ZNF536: variants seen among roughly 807,000 people sequenced by gnomAD.
ZNF536 encodes the protein zinc finger protein 536.
In ZNF536, 13 loss-of-function variants were observed where a neutral mutation model predicts 84.5. The observed-to-expected ratio is 0.15, with a 90% CI of 0.10 to 0.24. The LOEUF (loss-of-function observed/expected upper bound fraction) is 0.24, where lower values mean the gene tolerates loss of function less well. Ranked by LOEUF, ZNF536 falls within the 10% of genes least tolerant of loss-of-function variation. The pLI, the probability that ZNF536 is intolerant of heterozygous loss-of-function variation, is 1.00. For synonymous variants in ZNF536, 811 were observed against 742.5 expected (o/e 1.09, Z -1.50); for missense variants, 1,536 against 1,747.5 (o/e 0.88, Z 2.16).
At chr19:30,449,679 A>C (rs2052509352) in intron 2 of ZNF536, among the ~76,000 whole-genome samples, 1 of 152,214 alleles carries the variant, frequency 6.6e-6, no homozygotes, top group Admixed American at 6.5e-5. Flanking sequence ...GGATCAATGG[A>C]AAGCCAGGGA....
intron 1 of ZNF536, among the ~76,000 whole-genome samples, chr19:30,622,655 A>T (rs1055282271): frequency 6.6e-6 from 1 of 152,130 alleles, no homozygotes; most frequent in African/African-American, 2.4e-5. Context: ...GATGCTTTTT[A>T]TATATGTTGT....
chr19:30,306,190 ATT>A (rs201822113), intron 2 of ZNF536, among the ~76,000 whole-genome samples: 1,454 of 132,830 alleles, frequency 0.011, 6 homozygotes, highest in South Asian at 0.036. Context: ...CCTGGAGAGA[ATT>A]TTTTTTTTTT....
rs60489961 is a variant in ZNF536, at chr19:30,580,615, C to G, written c.169+31101C>G. Among the ~76,000 whole-genome samples, 90 of 152,314 alleles carry G rather than the reference C, an allele frequency of 5.9e-4. 1 individual carries two copies. In the East Asian group the frequency reaches 0.017, roughly 28 times the overall value. On this transcript the variant is annotated intron_variant, in intron 1 of 1. Coordinates refer to the ZNF536 transcript ENST00000592773. Reference sequence around the variant, plus strand: ...CCCTCTTCCAAAGGAGGCTGAGGAGCTGCTGTGTCTCAGCCAATGGATGCT... The same window carrying G: ...CCCTCTTCCAAAGGAGGCTGAGGAGGTGCTGTGTCTCAGCCAATGGATGCT...
intron 2 of ZNF536, among the ~76,000 whole-genome samples, chr19:30,291,542 T>C (rs2045841145): frequency 6.6e-6 from 1 of 152,266 alleles, no homozygotes; most frequent in South Asian, 2.1e-4. Context: ...TTTGTTTGTT[T>C]TTTTCTTGTA....
chr19:30,570,328 A>G (rs958402955), intron 1 of ZNF536, among the ~76,000 whole-genome samples: 1 of 152,202 alleles, frequency 6.6e-6, no homozygotes, highest in Non-Finnish European at 1.5e-5. Flanking sequence ...GAAGGCAGGA[A>G]CTTCAAGTGG....
intron 2 of ZNF536, among the ~76,000 whole-genome samples, chr19:30,528,008 G>A (rs981247398): frequency 1.3e-5 from 2 of 152,094 alleles, no homozygotes; most frequent in Admixed American, 6.5e-5. Flanking sequence ...ATTTTGAGAC[G>A]TTCTTTGCAC....
At chr19:30,412,295 A>G (rs1276292774) in intron 1 of ZNF536, among the ~76,000 whole-genome samples, 1 of 151,912 alleles carries the variant, frequency 6.6e-6, no homozygotes, top group Non-Finnish European at 1.5e-5. Flanking sequence ...TCTTGTTGCT[A>G]GCTTTAACAG....
chr19:30,504,954 A>G (rs1568494020), intron 2 of ZNF536, among the ~76,000 whole-genome samples: 1 of 149,336 alleles, frequency 6.7e-6, no homozygotes, highest in South Asian at 2.1e-4. Context: ...ACTAGTAATC[A>G]AAGAAAAAAT....
At chr19:30,536,014 G>C (rs1172793270) in intron 3 of ZNF536, among the ~76,000 whole-genome samples, 4 of 152,136 alleles carry the variant, frequency 2.6e-5, no homozygotes, top group Non-Finnish European at 5.9e-5. Context: ...CCTGAGGACA[G>C]ATGGGCACAG....
rs1478412456 is a variant in ZNF536, at chr19:30,549,054, C to T, written c.3435C>T (p.Val1145=). 7 of 1,614,182 alleles carry T rather than the reference C, an allele frequency of 4.3e-6. No individual in the cohort carries two copies. Among genetic ancestry groups the T allele is most frequent in the Non-Finnish European group, 5.9e-6 (7 of 1,180,040 alleles). The change falls in exon 4 of 5, where the codon GTC becomes GTT. Residue 1145 remains valine, a synonymous_variant. Coordinates refer to ENST00000355537, the MANE Select transcript of ZNF536 (RefSeq NM_014717.3). The part of the protein sequence containing the change: ...PDGKAHSEED[V]PILIPETTSK... ...GAAAGGCCCACTCTGAAGAGGATGT[C>T]CCCATCCTGATCCCCGAAACCACGA...
At chr19:30,646,464 G>A (rs1408566854) in intron 1 of ZNF536, among the ~76,000 whole-genome samples, 2 of 152,222 alleles carry the variant, frequency 1.3e-5, no homozygotes, top group African/African-American at 4.8e-5. Context: ...GCTCATGAAT[G>A]TCCCTATGTA....
At chr19:30,358,973 A>G (rs140131263) in intron 3 of ZNF536, among the ~76,000 whole-genome samples, 9 of 152,272 alleles carry the variant, frequency 5.9e-5, no homozygotes, top group Middle Eastern at 3.4e-3. Flanking sequence ...GCAATTGGCA[A>G]ATGCATGGAG....
At position 30,445,802 on chromosome 19, in the gene ZNF536, C is replaced by T. The variant is rs1233862808; in HGVS notation, c.2170+70C>T. 1 of 1,499,916 alleles carries T rather than the reference C, an allele frequency of 6.7e-7. No individual in the cohort carries two copies. The highest frequency in any genetic ancestry group is 1.4e-5 in the South Asian group (1 of 73,446). 92.9% of individuals were successfully genotyped at this position (1,499,916 alleles called of 1,614,324 possible). A position where few individuals can be genotyped will look rare whatever the true frequency, so the allele number is the denominator to read the frequency against. Reference sequence around the variant, plus strand: ...CTGCTCAGGGCTGCCTGGTTCTGCTCCCAGGCCTCCAGTCAGTTCCAAGGC... The same window carrying T: ...CTGCTCAGGGCTGCCTGGTTCTGCTTCCAGGCCTCCAGTCAGTTCCAAGGC... On this transcript the variant is annotated intron_variant, in intron 2 of 4. Coordinates refer to ENST00000355537, the MANE Select transcript of ZNF536 (RefSeq NM_014717.3). This position sits in a 1 kb window ranked among gnomAD's most constrained non-coding sequence, Gnocchi z 4.5.
intron 1 of ZNF536, among the ~76,000 whole-genome samples, chr19:30,705,703 C>T (rs2052198506): frequency 6.6e-6 from 1 of 152,168 alleles, no homozygotes; most frequent in Non-Finnish European, 1.5e-5. Context: ...AAAGCTTCTA[C>T]TTACTAGATA....
At chr19:30,689,237 G>A (rs1435205798) in intron 1 of ZNF536, among the ~76,000 whole-genome samples, 1 of 152,210 alleles carries the variant, frequency 6.6e-6, no homozygotes, top group Non-Finnish European at 1.5e-5. Flanking sequence ...GAACCTGTCT[G>A]CCTGCATCTG....
chr19:30,505,029 G>C (rs979352470), intron 2 of ZNF536, among the ~76,000 whole-genome samples: 1 of 152,164 alleles, frequency 6.6e-6, no homozygotes, highest in African/African-American at 2.4e-5. Flanking sequence ...TTATGAGATT[G>C]ATAACAATGA....
chr19:30,433,838 A>G (rs2051591163), intron 1 of ZNF536, among the ~76,000 whole-genome samples: 1 of 152,172 alleles, frequency 6.6e-6, no homozygotes, highest in Non-Finnish European at 1.5e-5. Flanking sequence ...TGCCTTGGTC[A>G]TATCCTTCCC....
In ZNF536 at chr19:30,331,292, TAAAAAAA is replaced by T. The variant is rs11324495; in HGVS notation, c.-119-21053_-119-21047del. 5.3e-4 allele frequency among the ~76,000 whole-genome samples: 22 copies of T among 41,740 alleles called. No homozygotes were observed. In the South Asian group the frequency reaches 0.025, roughly 47 times the overall value. The allele number at this position is 41,740 out of a possible 152,430, so 27.4% of individuals were successfully genotyped here. A position where few individuals can be genotyped will look rare whatever the true frequency, so the allele number is the denominator to read the frequency against. ...GGGAACAGAGTAAGACCCTGTATCT[TAAAAAAA>T]AAAAAAAAAAAAAAAAAAAAAAGAA... On this transcript the variant is annotated intron_variant, in intron 2 of 5. Coordinates refer to the ZNF536 transcript ENST00000585628.
chr19:30,269,674 G>C (rs1249172818), intron 1 of ZNF536, among the ~76,000 whole-genome samples: 2 of 152,198 alleles, frequency 1.3e-5, no homozygotes, highest in Non-Finnish European at 2.9e-5. Context: ...CTCCTACTAT[G>C]AATATCTTCT....
Sources: allele counts gnomAD v4.1 joint callset (sites outside exome capture counted in the v4.1 genomes callset), GRCh38; gene constraint gnomAD v4.1.1; non-coding constraint Gnocchi (gnomAD v3.1); transcripts MANE v1.5; gene names NCBI Gene and HGNC (gene_info 2026-07-23, HGNC 2026-07-21).